BCHE: variants seen among roughly 807,000 people sequenced by gnomAD.
BCHE encodes butyrylcholinesterase.
In BCHE, 48 loss-of-function variants were observed where a neutral mutation model predicts 51.3. That is an observed-to-expected ratio of 0.94 (90% CI 0.74 to 1.19). The LOEUF is 1.19. BCHE is among the 50% of genes most tolerant of loss of function. The pLI, the probability that BCHE is intolerant of heterozygous loss-of-function variation, is 0.00. For missense variants in BCHE, 847 were observed against 708.2 expected, an observed-to-expected ratio of 1.20 and a Z score of -2.23; for synonymous variants, 251 against 238.0, an observed-to-expected ratio of 1.05 and a Z score of -0.50.
chr3:165,777,109 A>C (rs958198127), intron 3 of BCHE, among the ~76,000 whole-genome samples: 1 of 151,946 alleles, frequency 6.6e-6, no homozygotes, highest in Admixed American at 6.6e-5. Context: ...ATATATTAAT[A>C]GGATTTTAAA....
chr3:165,804,805 G>C (rs1026236554), intron 2 of BCHE, among the ~76,000 whole-genome samples: 8 of 152,130 alleles, frequency 5.3e-5, no homozygotes, highest in African/African-American at 1.9e-4. Context: ...TTAAGGTCTT[G>C]AATTTATTCA....
intron 2 of BCHE, among the ~76,000 whole-genome samples, chr3:165,826,405 T>C (rs1714723706): frequency 6.6e-6 from 1 of 152,076 alleles, no homozygotes; most frequent in Admixed American, 6.6e-5. Flanking sequence ...TTATATAGGC[T>C]ATGATACCAT....
intron 2 of BCHE, among the ~76,000 whole-genome samples, chr3:165,796,514 A>C (rs1713383169): frequency 6.6e-6 from 1 of 152,164 alleles, no homozygotes; most frequent in Non-Finnish European, 1.5e-5. Flanking sequence ...TCAAGAAATA[A>C]AATGGAGTAT....
intron 2 of BCHE, among the ~76,000 whole-genome samples, chr3:165,819,296 T>G (rs1714427868): frequency 6.6e-6 from 1 of 151,914 alleles, no homozygotes; most frequent in East Asian, 1.9e-4. Flanking sequence ...CAGGCAGATC[T>G]CGAACTCCTG....
At chr3:165,827,192 G>A (rs1714753622) in intron 2 of BCHE, among the ~76,000 whole-genome samples, 1 of 151,904 alleles carries the variant, frequency 6.6e-6, no homozygotes, top group Non-Finnish European at 1.5e-5. Context: ...CGAACATCAG[G>A]ATATTAACAT....
chr3:165,790,347 A>G (rs940701781), intron 2 of BCHE, among the ~76,000 whole-genome samples: 3 of 152,202 alleles, frequency 2.0e-5, no homozygotes, highest in Non-Finnish European at 2.9e-5. Flanking sequence ...GGCACAATAG[A>G]TGTCCTGAAG....
chr3:165,811,293 G>T (rs771493300), intron 2 of BCHE, among the ~76,000 whole-genome samples: 1 of 152,028 alleles, frequency 6.6e-6, no homozygotes. Flanking sequence ...ATATGCAGGT[G>T]CATGTTTAAG....
intron 2 of BCHE, among the ~76,000 whole-genome samples, chr3:165,816,851 C>T (rs969609486): frequency 2.6e-5 from 4 of 152,020 alleles, no homozygotes; most frequent in East Asian, 1.9e-4. Flanking sequence ...CTAAAACCTC[C>T]GTAAGTGAAA....
At chr3:165,811,248 T>C (rs116154951) in intron 2 of BCHE, among the ~76,000 whole-genome samples, 52 of 152,212 alleles carry the variant, frequency 3.4e-4, no homozygotes, top group African/African-American at 1.3e-3. Flanking sequence ...AGTTAGACTC[T>C]TGACAGAAAG....
chr3:165,818,868 G>T (rs1010825514), intron 2 of BCHE, among the ~76,000 whole-genome samples: 1 of 152,118 alleles, frequency 6.6e-6, no homozygotes, highest in African/African-American at 2.4e-5. Flanking sequence ...TTTTATAAGA[G>T]AAATAGAGAC....
intron 2 of BCHE, among the ~76,000 whole-genome samples, chr3:165,806,505 A>T (rs980445970): frequency 6.6e-6 from 1 of 152,008 alleles, no homozygotes; most frequent in African/African-American, 2.4e-5. Flanking sequence ...CCTGCATTTT[A>T]CTCTACGATA....
chr3:165,834,669 T>C (rs1319609294), intron 1 of BCHE, among the ~76,000 whole-genome samples: 1 of 151,960 alleles, frequency 6.6e-6, no homozygotes, highest in Non-Finnish European at 1.5e-5. Context: ...ATGTTTATCA[T>C]GTAATTGAGC....
chr3:165,774,338 A>AT (rs1482547491), intron 3 of BCHE, among the ~76,000 whole-genome samples: 11 of 151,662 alleles, frequency 7.3e-5, no homozygotes, highest in African/African-American at 2.7e-4. Flanking sequence ...TATTTTATTT[A>AT]TTTATTTTTT....
At chr3:165,832,923 A>G (rs190728556) in intron 1 of BCHE, among the ~76,000 whole-genome samples, 2 of 152,290 alleles carry the variant, frequency 1.3e-5, no homozygotes, top group Non-Finnish European at 2.9e-5. Flanking sequence ...CTAGTGACCT[A>G]CAAGTATTTT....
At chr3:165,789,658 C>A (rs1254118591) in intron 2 of BCHE, among the ~76,000 whole-genome samples, 1 of 151,804 alleles carries the variant, frequency 6.6e-6, no homozygotes, top group Non-Finnish European at 1.5e-5. Flanking sequence ...TATTAAAAGT[C>A]TAGATGAAAT....
chr3:165,818,623 A>C (rs2108226860), intron 2 of BCHE, among the ~76,000 whole-genome samples: 1 of 152,260 alleles, frequency 6.6e-6, no homozygotes, highest in African/African-American at 2.4e-5. Flanking sequence ...TGGAATATTT[A>C]GACTCTTGCT....
chr3:165,837,210 C>T, intron 1 of BCHE, 104 bp downstream of exon 1: 5 of 719,996 alleles, frequency 6.9e-6, no homozygotes, highest in Non-Finnish European at 1.0e-5. Flanking sequence ...CACAGAGCAC[C>T]AAAGGGACAC....
At chr3:165,815,208 A>G (rs1169088764) in intron 2 of BCHE, among the ~76,000 whole-genome samples, 2 of 150,630 alleles carry the variant, frequency 1.3e-5, no homozygotes, top group Non-Finnish European at 3.0e-5. Flanking sequence ...TCAAATTTCC[A>G]TAACAGCCAA....
At chr3:165,784,197 A>C (rs1024340793) in intron 3 of BCHE, among the ~76,000 whole-genome samples, 1 of 151,962 alleles carries the variant, frequency 6.6e-6, no homozygotes, top group Non-Finnish European at 1.5e-5. Flanking sequence ...AAAGATTAAA[A>C]TATTTGAAGT....
Sources: allele counts gnomAD v4.1 joint callset (sites outside exome capture counted in the v4.1 genomes callset), GRCh38; gene constraint gnomAD v4.1.1; transcripts MANE v1.5; gene names NCBI Gene and HGNC (gene_info 2026-07-23, HGNC 2026-07-21).